GTSF1: variants seen among roughly 807,000 people sequenced by gnomAD.
The protein encoded by GTSF1 is gametocyte specific factor 1.
In GTSF1, 11 loss-of-function variants were observed where a neutral mutation model predicts 28.9. The ratio of observed to expected loss-of-function variants is 0.38; its 90% CI spans 0.24 to 0.63. The LOEUF is 0.63. GTSF1 is among the 30% of genes least tolerant of loss of function. The pLI is 0.56. For synonymous variants in GTSF1, 69 were observed against 65.6 expected, an observed-to-expected ratio of 1.05 and a Z score of -0.25; for missense variants, 146 against 201.0, an observed-to-expected ratio of 0.73 and a Z score of 1.66.
intron 8 of GTSF1, among the ~76,000 whole-genome samples, chr12:54,456,842 T>C (rs909862064): frequency 6.6e-6 from 1 of 152,156 alleles, no homozygotes; most frequent in African/African-American, 2.4e-5. Context: ...TCCTAGCTAT[T>C]TGGAGGCCAA....
intron 6 of GTSF1, among the ~76,000 whole-genome samples, chr12:54,461,546 C>A (rs1346431241): frequency 6.6e-6 from 1 of 151,936 alleles, no homozygotes; most frequent in Non-Finnish European, 1.5e-5. Context: ...ATTTGAGAGG[C>A]CCAGGGGGAT....
chr12:54,456,184 A>G (rs1565655672), intron 8 of GTSF1, 31 bp from the exon 9 acceptor site: 1 of 152,418 alleles, frequency 6.6e-6, no homozygotes, highest in Non-Finnish European at 1.5e-5. Context: ...AAAAGTTCTT[A>G]GTTTTTTTCA....
At chr12:54,469,580 C>T (rs1956568635) in intron 2 of GTSF1, among the ~76,000 whole-genome samples, 1 of 147,928 alleles carries the variant, frequency 6.8e-6, no homozygotes, top group African/African-American at 2.5e-5. Flanking sequence ...ACCAGCTACT[C>T]AGGAAGCTGA....
intron 2 of GTSF1, among the ~76,000 whole-genome samples, chr12:54,470,236 T>C (rs959423987): frequency 6.6e-6 from 1 of 152,160 alleles, no homozygotes; most frequent in Non-Finnish European, 1.5e-5. Context: ...TTTTCTCAAG[T>C]GTGGTCCTCA....
intron 1 of GTSF1, chr12:54,472,373 A>G (rs527667288): frequency 8.5e-4 from 129 of 152,232 alleles, no homozygotes; most frequent in African/African-American, 3.1e-3. Flanking sequence ...TCCAATTAAT[A>G]CTCATTCCCT....
At chr12:54,467,806 T>A (rs1229481327) in intron 2 of GTSF1, among the ~76,000 whole-genome samples, 3 of 151,670 alleles carry the variant, frequency 2.0e-5, no homozygotes, top group African/African-American at 7.3e-5. Context: ...TGGAGTTTCG[T>A]TCTTGTTGCT....
intron 8 of GTSF1, among the ~76,000 whole-genome samples, chr12:54,456,479 T>C (rs1045665141): frequency 1.4e-4 from 22 of 152,258 alleles, no homozygotes; most frequent in African/African-American, 5.3e-4. Flanking sequence ...ATTATCTTGA[T>C]CTTTTTCTCA....
At chr12:54,472,438 T>C (rs1259330035) in intron 1 of GTSF1, 2 of 152,234 alleles carry the variant, frequency 1.3e-5, no homozygotes, top group African/African-American at 2.4e-5. Context: ...GTCCATATTA[T>C]GGATAACAGA....
intron 3 of GTSF1, chr12:54,464,856 T>C (rs571806171): frequency 7.9e-6 from 3 of 381,026 alleles, no homozygotes; most frequent in African/African-American, 4.1e-5. Context: ...GGGTTCTTTG[T>C]CACTAGTTAA....
At chr12:54,470,847 T>A (rs1337083656) in intron 2 of GTSF1, among the ~76,000 whole-genome samples, 1 of 152,214 alleles carries the variant, frequency 6.6e-6, no homozygotes. Context: ...CATCTAAGGT[T>A]CCTGGATCAC....
intron 8 of GTSF1, among the ~76,000 whole-genome samples, chr12:54,457,316 T>G (rs751905503): frequency 2.6e-5 from 4 of 152,218 alleles, no homozygotes; most frequent in Non-Finnish European, 4.4e-5. Context: ...TTCTCCTAGA[T>G]TTTCATCTTA....
chr12:54,466,018 G>A (rs1383579881), intron 2 of GTSF1, among the ~76,000 whole-genome samples: 1 of 152,150 alleles, frequency 6.6e-6, no homozygotes, highest in Non-Finnish European at 1.5e-5. Context: ...TAGGAACAAT[G>A]TGCAAAAACA....
chr12:54,467,560 C>T (rs1310225746), intron 2 of GTSF1, among the ~76,000 whole-genome samples: 3 of 152,070 alleles, frequency 2.0e-5, no homozygotes, highest in Non-Finnish European at 4.4e-5. Flanking sequence ...GGTGATCCAC[C>T]TGCCTCGGCC....
chr12:54,468,405 G>A (rs1323546519), intron 2 of GTSF1, among the ~76,000 whole-genome samples: 1 of 152,186 alleles, frequency 6.6e-6, no homozygotes, highest in Non-Finnish European at 1.5e-5. Flanking sequence ...ACAGGCATAA[G>A]CCACCGTGCC....
In GTSF1 at chr12:54,466,816, CTTTTTTTTT is replaced by C. The variant is rs11404162; in HGVS notation, c.17-1658_17-1650del. 2.8e-3 allele frequency: 338 copies of C among 119,868 alleles called. 2 individuals are homozygous for C. Among genetic ancestry groups the C allele is most frequent in the African/African-American group, 0.01 (322 of 31,952 alleles). 7.4% of individuals were successfully genotyped at this position (119,868 alleles called of 1,614,324 possible). On this transcript the variant is annotated intron_variant, in intron 2 of 8. Coordinates refer to ENST00000305879, the MANE Select transcript of GTSF1 (RefSeq NM_144594.3). ...AAAAAAATTTTTTTGATTTAAAAAT[CTTTTTTTTT>C]TTTTTTTTTTGACAGAGTCTTATTC...
intron 6 of GTSF1, 135 bp from the exon 7 acceptor site, chr12:54,460,606 C>T: frequency 1.6e-6 from 1 of 628,978 alleles, no homozygotes; most frequent in Non-Finnish European, 2.8e-6. Flanking sequence ...AAACACATTT[C>T]CATCAAAACG....
rs758570797 is a variant in GTSF1 at position 54,471,264 on chromosome 12, G to A, written c.-16C>T. 1.9e-6 allele frequency: 3 copies of A among 1,590,976 alleles called. No individual in the cohort carries two copies. Among genetic ancestry groups the A allele is most frequent in the Non-Finnish European group, 2.6e-6 (3 of 1,170,766 alleles). ...TTTCTTCCATGTTGGAAATGAAGAAGCTGAATCCAAGTGCTGGAAAAAACA... is the reference window on the plus strand; with the variant it reads ...TTTCTTCCATGTTGGAAATGAAGAAACTGAATCCAAGTGCTGGAAAAAACA... On this transcript the variant is annotated 5_prime_UTR_variant, in exon 2 of 9. Coordinates refer to ENST00000305879, the MANE Select transcript of GTSF1 (RefSeq NM_144594.3).
At chr12:54,465,475 TC>T (rs1956497594) in intron 2 of GTSF1, among the ~76,000 whole-genome samples, 1 of 152,170 alleles carries the variant, frequency 6.6e-6, no homozygotes, top group Non-Finnish European at 1.5e-5. Context: ...CTTTTCCTTT[TC>T]TAAAAGTGCT....
At chr12:54,462,315 G>T in intron 5 of GTSF1, 143 bp from the exon 6 acceptor site, 1 of 620,790 alleles carries the variant, frequency 1.6e-6, no homozygotes, top group Non-Finnish European at 2.9e-6. Context: ...CTGCCTAAGT[G>T]ACACAGTAGC....
Sources: gnomAD v4.1 joint callset for allele counts (sites outside exome capture counted in the v4.1 genomes callset) on GRCh38, gnomAD v4.1.1 for gene constraint, MANE v1.5 for transcripts, NCBI Gene and HGNC (gene_info 2026-07-23, HGNC 2026-07-21) for gene names.